The following MCF2L2 variants were observed in gnomAD, a reference collection of about 807,000 sequenced individuals.
MCF2L2 encodes the protein MCF.2 cell line derived transforming sequence-like 2.
Under a neutral mutation model 150.2 loss-of-function variants are expected in MCF2L2, and 102 were observed. That is an observed-to-expected ratio of 0.68 (90% CI 0.58 to 0.80). The LOEUF (loss-of-function observed/expected upper bound fraction) is 0.80, where lower values mean the gene tolerates loss of function less well. Ranked by LOEUF, MCF2L2 falls within the 30% of genes least tolerant of loss-of-function variation. MCF2L2 has a pLI of 0.00. For synonymous variants in MCF2L2, 465 were observed against 491.3 expected (o/e 0.95, Z 0.71); for missense variants, 1,256 against 1,372.8 (o/e 0.91, Z 1.34).
intron 1 of MCF2L2, among the ~76,000 whole-genome samples, chr3:183,407,366 GCTGATT>G (rs776582932): frequency 9.1e-4 from 138 of 152,206 alleles, no homozygotes; most frequent in Middle Eastern, 3.4e-3. Flanking sequence ...ATCTCTTTTA[GCTGATT>G]CTCAATTTCT....
intron 1 of MCF2L2, among the ~76,000 whole-genome samples, chr3:183,411,848 C>CATCT (rs1030800578): frequency 2.0e-5 from 3 of 152,212 alleles, no homozygotes; most frequent in African/African-American, 7.2e-5. Flanking sequence ...AGATCCTTGA[C>CATCT]ATCTGGCTAA....
intron 22 of MCF2L2, among the ~76,000 whole-genome samples, chr3:183,213,445 TTTAA>T (rs1054196120): frequency 7.2e-5 from 11 of 152,102 alleles, no homozygotes; most frequent in African/African-American, 2.7e-4. Context: ...TTTCTAGTTG[TTTAA>T]TTGTGATAAT....
chr3:183,244,828 T>C (rs1724180000), intron 15 of MCF2L2, among the ~76,000 whole-genome samples: 1 of 152,160 alleles, frequency 6.6e-6, no homozygotes, highest in Admixed American at 6.5e-5. Context: ...GCAAAGCAAG[T>C]ACTGTTTCTG....
In MCF2L2 at chr3:183,361,157, A is replaced by G. The variant is rs534163405; in HGVS notation, c.275+18140T>C. ...AAGGAAAAGAGACAGGAAGAGAGCG[A>G]AGGGAAGGAAGGAAGGAAAGAAGGA... On this transcript the variant is annotated intron_variant, in intron 3 of 29. Coordinates refer to ENST00000328913, the MANE Select transcript of MCF2L2 (RefSeq NM_015078.4). Among the ~76,000 whole-genome samples, 434 of 145,854 alleles carry G rather than the reference A, an allele frequency of 3.0e-3. 4 individuals carry two copies. The highest frequency in any genetic ancestry group is 0.021 in the Middle Eastern group (6 of 290).
chr3:183,329,357 C>T (rs61327213), intron 5 of MCF2L2, among the ~76,000 whole-genome samples: 35,328 of 151,938 alleles, frequency 0.23, 4,656 homozygotes, highest in African/African-American at 0.35. Context: ...CAGCTAATTT[C>T]TGTATTTTTA....
At chr3:183,331,034 G>A (rs11916170) in intron 5 of MCF2L2, among the ~76,000 whole-genome samples, 1 of 152,018 alleles carries the variant, frequency 6.6e-6, no homozygotes, top group Non-Finnish European at 1.5e-5. Flanking sequence ...GCTGGGAGCA[G>A]GTCTTTCATA....
At position 183,318,156 on chromosome 3, in the gene MCF2L2, G is replaced by C; in HGVS notation, c.665C>G (p.Ser222Cys). The C allele has an allele frequency of 4.3e-6, 7 of 1,614,196 alleles. No individual in the cohort carries two copies. Among genetic ancestry groups the C allele is most frequent in the Non-Finnish European group, 5.9e-6 (7 of 1,180,036 alleles). The change falls in exon 7 of 30, where the codon TCC (serine) becomes TGC (cysteine). Residue 222 changes from serine (S) to cysteine (C), a missense_variant. Coordinates refer to ENST00000328913, the MANE Select transcript of MCF2L2 (RefSeq NM_015078.4). The part of the protein sequence containing the change: ...TTAQMLQTFG[S>C]CLATAELPRS... The stretch of plus-strand genomic sequence containing the variant: ...GGGCAGCTCTGCTGTGGCCAGGCAG[G>C]ACCCAAACGTCTGCAGCATCTGGGC...
chr3:183,325,642 C>T (rs984869166), intron 5 of MCF2L2, among the ~76,000 whole-genome samples: 2 of 151,938 alleles, frequency 1.3e-5, no homozygotes, highest in Admixed American at 1.3e-4. Flanking sequence ...TGGTAATAAT[C>T]GACATTTTAA....
intron 3 of MCF2L2, 148 bp from the exon 4 acceptor site, chr3:183,341,778 G>T: frequency 1.7e-6 from 1 of 598,556 alleles, no homozygotes; most frequent in South Asian, 2.1e-5. Context: ...CCCTCTCCCA[G>T]TCTAAGCCTG....
At chr3:183,355,595 C>T (rs965791721) in intron 3 of MCF2L2, among the ~76,000 whole-genome samples, 6 of 150,494 alleles carry the variant, frequency 4.0e-5, no homozygotes, top group South Asian at 2.1e-4. Flanking sequence ...TACAGGCGCC[C>T]GCCACCACGC....
At chr3:183,209,749 A>C (rs1019705095) in intron 22 of MCF2L2, among the ~76,000 whole-genome samples, 5 of 152,148 alleles carry the variant, frequency 3.3e-5, no homozygotes, top group African/African-American at 1.2e-4. Context: ...TCAGCCTCCC[A>C]AAGTGCTGGG....
chr3:183,428,216 A>G lies in MCF2L2; in HGVS notation c.-239T>C. The stretch of plus-strand genomic sequence containing the variant: ...TTCCCAGCGTCGCAGCTGGACCGAG[A>G]GAGGAGCGGCCGTTCTGCAAAAGGA... On this transcript the variant is annotated 5_prime_UTR_variant, in exon 1 of 30. Coordinates refer to ENST00000328913, the MANE Select transcript of MCF2L2 (RefSeq NM_015078.4). This position sits in a 1 kb window ranked among gnomAD's most constrained non-coding sequence, Gnocchi z 5.1. The G allele has an allele frequency of 6.0e-6, 3 of 497,408 alleles. No individual in the cohort carries two copies. The highest frequency in any genetic ancestry group is 1.1e-3 in the Middle Eastern group (2 of 1,876). 30.8% of individuals were successfully genotyped at this position (497,408 alleles called of 1,614,324 possible).
chr3:183,203,353 G>T (rs1397729181), intron 25 of MCF2L2, among the ~76,000 whole-genome samples: 1 of 152,196 alleles, frequency 6.6e-6, no homozygotes, highest in Non-Finnish European at 1.5e-5. Flanking sequence ...GAAAGCACAA[G>T]AACAAATCCT....
intron 1 of MCF2L2, among the ~76,000 whole-genome samples, chr3:183,394,021 A>G (rs779081429): frequency 1.3e-5 from 2 of 152,248 alleles, no homozygotes; most frequent in Non-Finnish European, 2.9e-5. Flanking sequence ...GGAAAAAAAG[A>G]AAAAGAACTA....
At position 183,205,885 on chromosome 3, in the gene MCF2L2, T is replaced by A. The variant is rs143672408; in HGVS notation, c.2875A>T (p.Asn959Tyr). 3.6e-4 allele frequency: 579 copies of A among 1,613,362 alleles called. No individual in the cohort carries two copies. Among genetic ancestry groups the A allele is most frequent in the Non-Finnish European group, 4.8e-4 (561 of 1,179,420 alleles). Residue 959 changes from asparagine to tyrosine, a missense_variant, in exon 25 of 30, where the codon AAT (asparagine) becomes TAT (tyrosine). Asn to Tyr is a moderately radical substitution (Grantham distance 143). Coordinates refer to ENST00000328913, the MANE Select transcript of MCF2L2 (RefSeq NM_015078.4). ...ISKLLMEQQN[N>Y]IKDQGNPQFE... Reference sequence around the variant, plus strand: ...AGCAGGGGTAACCTACCTTTGATATTATTTTGTTGTTCCATCAATAATTTA... The same window carrying A: ...AGCAGGGGTAACCTACCTTTGATATAATTTTGTTGTTCCATCAATAATTTA...
At chr3:183,352,453 G>A (rs182841464) in intron 3 of MCF2L2, among the ~76,000 whole-genome samples, 10 of 152,332 alleles carry the variant, frequency 6.6e-5, no homozygotes, top group Admixed American at 5.9e-4. Context: ...AACCCCAGAG[G>A]CAGAGGTTGC....
In MCF2L2 at chr3:183,283,162, G is replaced by A. The variant is rs1727598774; in HGVS notation, c.1776+5958C>T. Among the ~76,000 whole-genome samples, 1 of 152,076 alleles carries A rather than the reference G, an allele frequency of 6.6e-6. No individual in the cohort carries two copies. The highest frequency in any genetic ancestry group is 1.5e-5 in the Non-Finnish European group (1 of 68,016). ...TCTGATAGTCGTGTTCTAGCCACTA[G>A]GGAGAACGTTTCAGTCAATGGGTAT... On this transcript the variant is annotated intron_variant, in intron 14 of 29. Coordinates refer to ENST00000328913, the MANE Select transcript of MCF2L2 (RefSeq NM_015078.4). The surrounding 1 kb of genome is among the most constrained non-coding windows in gnomAD (Gnocchi z 4.2).
At chr3:183,360,592 G>A (rs1470712037) in intron 3 of MCF2L2, among the ~76,000 whole-genome samples, 1 of 151,894 alleles carries the variant, frequency 6.6e-6, no homozygotes, top group East Asian at 1.9e-4. Flanking sequence ...CCATTTGAGA[G>A]AATGTCTCCT....
chr3:183,381,051 C>T (rs546961403), intron 2 of MCF2L2, among the ~76,000 whole-genome samples: 25 of 152,188 alleles, frequency 1.6e-4, no homozygotes, highest in Non-Finnish European at 2.8e-4. Context: ...GATGCTAAGG[C>T]GCAGAGAATT....
Sources: allele counts gnomAD v4.1 joint callset (sites outside exome capture counted in the v4.1 genomes callset), GRCh38; gene constraint gnomAD v4.1.1; non-coding constraint Gnocchi (gnomAD v3.1); transcripts MANE v1.5; gene names NCBI Gene and HGNC (gene_info 2026-07-23, HGNC 2026-07-21).